The following PRELID2 variants were observed in gnomAD, a reference collection of about 807,000 sequenced individuals.
The protein encoded by PRELID2 is PRELI domain-containing protein 2.
A neutral mutation model predicts 28.4 loss-of-function variants in PRELID2; 25 were observed. That is an observed-to-expected ratio of 0.88 (90% CI 0.64 to 1.23). The LOEUF (loss-of-function observed/expected upper bound fraction) is 1.23, where lower values mean the gene tolerates loss of function less well. Among genes scored for constraint, PRELID2 ranks in the 50% most tolerant of loss-of-function variants. The pLI is 0.00. For missense variants in PRELID2, 201 were observed against 214.4 expected, an observed-to-expected ratio of 0.94 and a Z score of 0.39; for synonymous variants, 76 against 71.6, an observed-to-expected ratio of 1.06 and a Z score of -0.31.
chr5:145,296,431 A>G, the PRELID2 span, among the ~76,000 whole-genome samples: 55 of 145,102 alleles, frequency 3.8e-4, 1 homozygote, highest in African/African-American at 1.3e-3. Context: ...TATGAGTGAG[A>G]ATATGCGGTG....
intron 4 of PRELID2, among the ~76,000 whole-genome samples, chr5:145,801,709 C>T (rs569662588): frequency 1.2e-4 from 18 of 152,274 alleles, no homozygotes; most frequent in Admixed American, 3.3e-4. Flanking sequence ...TTAGCTATCA[C>T]CTCAAAATCC....
chr5:145,427,170 C>A, the PRELID2 span, among the ~76,000 whole-genome samples: 263 of 152,338 alleles, frequency 1.7e-3, 4 homozygotes, highest in East Asian at 0.039. Context: ...ACACTGCCTG[C>A]CAGGCAGAAT....
chr5:145,651,503 C>A (rs912966670), intron 1 of PRELID2, among the ~76,000 whole-genome samples: 1 of 152,142 alleles, frequency 6.6e-6, no homozygotes, highest in Non-Finnish European at 1.5e-5. Flanking sequence ...TGGGAGGCAC[C>A]CCCAGTAGGG....
chr5:145,559,806 A>G (rs1580977661), intron 1 of PRELID2, among the ~76,000 whole-genome samples: 1 of 149,598 alleles, frequency 6.7e-6, no homozygotes, highest in East Asian at 2.0e-4. Context: ...AAGAGAAGAT[A>G]CTGAATATAT....
At chr5:145,414,625 T>C in the PRELID2 span, among the ~76,000 whole-genome samples, 1,981 of 152,316 alleles carry the variant, frequency 0.013, 34 homozygotes, top group African/African-American at 0.045. Context: ...TAAATATTTG[T>C]TGAACTAATG....
At chr5:145,834,880 C>G (rs74985941) in intron 1 of PRELID2, 9 of 340,814 alleles carry the variant, frequency 2.6e-5, no homozygotes, top group African/African-American at 1.9e-4. Flanking sequence ...CTCCACACGT[C>G]GGTCATCTGC....
chr5:145,434,108 G>A, the PRELID2 span, among the ~76,000 whole-genome samples: 1 of 152,058 alleles, frequency 6.6e-6, no homozygotes, highest in Non-Finnish European at 1.5e-5. Flanking sequence ...TTCTTTCCAA[G>A]TCCTCCTCTC....
chr5:145,672,449 A>G (rs1318821619), intron 1 of PRELID2, among the ~76,000 whole-genome samples: 2 of 151,636 alleles, frequency 1.3e-5, no homozygotes, highest in Admixed American at 1.3e-4. Flanking sequence ...CAGCTTTGAC[A>G]TAAGGAATGG....
At chr5:145,379,760 G>A in the PRELID2 span, among the ~76,000 whole-genome samples, 1 of 152,128 alleles carries the variant, frequency 6.6e-6, no homozygotes, top group Non-Finnish European at 1.5e-5. Context: ...CATGAAGGCT[G>A]GTACATGGTC....
At chr5:145,741,474 AATTT>A (rs1756741908) in intron 1 of PRELID2, among the ~76,000 whole-genome samples, 1 of 32,478 alleles carries the variant, frequency 3.1e-5, no homozygotes, top group Non-Finnish European at 6.8e-5. Context: ...ATATAAACAA[AATTT>A]ATTTATAAAT....
At chr5:145,502,596 A>G (rs1752369394) in intron 1 of PRELID2, among the ~76,000 whole-genome samples, 1 of 152,144 alleles carries the variant, frequency 6.6e-6, no homozygotes, top group Admixed American at 6.6e-5. Context: ...AATTATTTGT[A>G]TACATGCATT....
chr5:145,823,074 T>C lies in PRELID2; in HGVS notation c.133+3A>G. 4 of 1,481,242 alleles carry C rather than the reference T, an allele frequency of 2.7e-6. No individual in the cohort carries two copies. The highest frequency in any genetic ancestry group is 3.8e-6 in the Non-Finnish European group (4 of 1,059,320). 91.8% of individuals were successfully genotyped at this position (1,481,242 alleles called of 1,614,324 possible). On this transcript the variant is annotated splice_donor_region_variant and intron_variant, in intron 2 of 6. Transcript: ENST00000683046. ...TACTGAAAAAACTGTACAGAGAACT[T>C]ACCTCTTTTTTCCTCCATGATTTTT...
chr5:145,751,179 C>A (rs1194887450), intron 1 of PRELID2, among the ~76,000 whole-genome samples: 1 of 152,134 alleles, frequency 6.6e-6, no homozygotes, highest in Non-Finnish European at 1.5e-5. Context: ...GGACTTCTTT[C>A]TCAACTAAGA....
In PRELID2 at chr5:145,652,562, C is replaced by T. The variant is rs1410716449; in HGVS notation, n.70+112369G>A. Among the ~76,000 whole-genome samples the T allele has an allele frequency of 2.0e-5, 3 of 152,346 alleles. No homozygotes were observed. In the East Asian group the frequency reaches 5.8e-4, roughly 29 times the overall value. On this transcript the variant is annotated intron_variant and non_coding_transcript_variant, in intron 1 of 2. Transcript: ENST00000510259. ...CTAACAGCTGATCTCTCGGCAGAAA[C>T]TCTACAAGACAGAAGAGAGTGGGGG...
At chr5:145,423,457 A>T in the PRELID2 span, among the ~76,000 whole-genome samples, 1 of 151,586 alleles carries the variant, frequency 6.6e-6, no homozygotes, top group African/African-American at 2.4e-5. Context: ...TTTTCTCTGG[A>T]CTTCCCTTCT....
the PRELID2 span, among the ~76,000 whole-genome samples, chr5:145,361,617 C>G: frequency 6.6e-6 from 1 of 152,152 alleles, no homozygotes; most frequent in African/African-American, 2.4e-5. Context: ...CTGCAGAGGG[C>G]TATTTTTTAA....
intron 2 of PRELID2, among the ~76,000 whole-genome samples, chr5:145,822,765 T>C (rs1754919026): frequency 6.6e-6 from 1 of 152,152 alleles, no homozygotes; most frequent in African/African-American, 2.4e-5. Context: ...ACCTGCCACA[T>C]ATTAAGTGCT....
At chr5:145,340,450 T>C in the PRELID2 span, among the ~76,000 whole-genome samples, 1 of 151,976 alleles carries the variant, frequency 6.6e-6, no homozygotes, top group Non-Finnish European at 1.5e-5. Context: ...CCAGCACCCA[T>C]GCAAGCCACC....
chr5:145,443,948 CTG>C, the PRELID2 span, among the ~76,000 whole-genome samples: 4 of 152,082 alleles, frequency 2.6e-5, no homozygotes, highest in Admixed American at 2.6e-4. Flanking sequence ...ACTAAGGAAA[CTG>C]TATTCAGGTA....
Sources: allele counts gnomAD v4.1 joint callset (sites outside exome capture counted in the v4.1 genomes callset), GRCh38; gene constraint gnomAD v4.1.1; transcripts MANE v1.5; gene names NCBI Gene and HGNC (gene_info 2026-07-23, HGNC 2026-07-21).